The following AKAP6 variants were observed in gnomAD, a reference collection of about 807,000 sequenced individuals.
The protein encoded by AKAP6 is A-kinase anchor protein 6.
In AKAP6, 58 loss-of-function variants were observed where a neutral mutation model predicts 188.5. That is an observed-to-expected ratio of 0.31 (90% CI 0.25 to 0.38). The LOEUF is 0.38. AKAP6 is among the 10% of genes least tolerant of loss of function. The pLI is 1.00. For synonymous variants in AKAP6, 989 were observed against 998.6 expected (o/e 0.99, Z 0.18); for missense variants, 2,710 against 2,740.0 (o/e 0.99, Z 0.24).
At chr14:32,399,535 C>A (rs1293770261) in intron 1 of AKAP6, among the ~76,000 whole-genome samples, 1 of 152,034 alleles carries the variant, frequency 6.6e-6, no homozygotes, top group Non-Finnish European at 1.5e-5. Flanking sequence ...CATTGGATAC[C>A]ACCTCAAGCA....
At chr14:32,475,258 A>C (rs1422964408) in intron 2 of AKAP6, among the ~76,000 whole-genome samples, 33 of 152,192 alleles carry the variant, frequency 2.2e-4, no homozygotes, top group Admixed American at 2.2e-3. Context: ...ACAGAGGTTA[A>C]GCTTCTCTTC....
intron 2 of AKAP6, among the ~76,000 whole-genome samples, chr14:32,464,348 A>G (rs1213679163): frequency 6.6e-6 from 1 of 152,186 alleles, no homozygotes; most frequent in Non-Finnish European, 1.5e-5. Flanking sequence ...ATCCTCAATA[A>G]AAATACTGGC....
intron 11 of AKAP6, among the ~76,000 whole-genome samples, chr14:32,769,818 G>A (rs1286157487): frequency 6.6e-6 from 1 of 151,448 alleles, no homozygotes; most frequent in African/African-American, 2.4e-5. Context: ...ACAGTTCTTG[G>A]TGTAAATAAA....
chr14:32,661,806 T>G lies in AKAP6; in HGVS notation c.2731-16505T>G, dbSNP rs554564621. ...TTTGGACAAAGTAATTTATTTGACC[T>G]CTGGCTTCTGCATCTGCTAAATGGG... On this transcript the variant is annotated intron_variant, in intron 7 of 13. Coordinates refer to ENST00000280979, the MANE Select transcript of AKAP6 (RefSeq NM_004274.5). 3.3e-4 allele frequency among the ~76,000 whole-genome samples: 51 copies of G among 152,282 alleles called. No individual in the cohort carries two copies. In the East Asian group the frequency reaches 6.2e-3, roughly 18 times the overall value.
At chr14:32,566,681 C>T (rs1441455166) in intron 4 of AKAP6, among the ~76,000 whole-genome samples, 1 of 152,178 alleles carries the variant, frequency 6.6e-6, no homozygotes, top group Non-Finnish European at 1.5e-5. Flanking sequence ...TTAGTCCTTA[C>T]TTCAGCTGGC....
At chr14:32,526,479 C>T (rs1316061108) in intron 2 of AKAP6, among the ~76,000 whole-genome samples, 2 of 152,130 alleles carry the variant, frequency 1.3e-5, no homozygotes, top group African/African-American at 4.8e-5. Flanking sequence ...GTGATCCGCC[C>T]ACCTTAGCCC....
intron 2 of AKAP6, among the ~76,000 whole-genome samples, chr14:32,460,778 G>A (rs529261472): frequency 3.2e-4 from 48 of 152,326 alleles, no homozygotes; most frequent in Non-Finnish European, 3.4e-4. Flanking sequence ...CTTGCTCAGC[G>A]GGCCCCACTC....
In AKAP6 at chr14:32,689,677, T is replaced by G. The variant is rs193076551; in HGVS notation, c.2880-6313T>G. Among the ~76,000 whole-genome samples the G allele has an allele frequency of 6.5e-3, 995 of 152,232 alleles. 8 individuals are homozygous for G. Among genetic ancestry groups the G allele is most frequent in the Non-Finnish European group, 0.011 (727 of 67,982 alleles). On this transcript the variant is annotated intron_variant, in intron 8 of 13. Coordinates refer to ENST00000280979, the MANE Select transcript of AKAP6 (RefSeq NM_004274.5). ...AAAGCTACATTTTATTCTTTGATGA[T>G]ATTATGGTTGGAGATATAACAGGCA...
intron 5 of AKAP6, among the ~76,000 whole-genome samples, chr14:32,597,817 T>C (rs760355007): frequency 2.6e-5 from 4 of 152,212 alleles, no homozygotes; most frequent in Non-Finnish European, 4.4e-5. Context: ...ATAATTCTTA[T>C]CTTTATACTT....
chr14:32,651,473 C>G (rs1888225068), intron 7 of AKAP6, among the ~76,000 whole-genome samples: 1 of 152,066 alleles, frequency 6.6e-6, no homozygotes, highest in Admixed American at 6.6e-5. Context: ...TTATAAAGAA[C>G]AGAAGTTTAT....
intron 9 of AKAP6, among the ~76,000 whole-genome samples, chr14:32,704,497 T>C (rs901077009): frequency 6.6e-6 from 1 of 152,208 alleles, no homozygotes; most frequent in African/African-American, 2.4e-5. Context: ...ACTATGTATA[T>C]GTTTCAGGTT....
chr14:32,785,661 T>C (rs727814), intron 12 of AKAP6, among the ~76,000 whole-genome samples: 10,531 of 152,162 alleles, frequency 0.069, 756 homozygotes, highest in African/African-American at 0.18. Context: ...TCTTTGAGTG[T>C]TGGTTGGAAG....
intron 9 of AKAP6, among the ~76,000 whole-genome samples, chr14:32,730,098 C>T (rs1323735722): frequency 6.6e-6 from 1 of 152,194 alleles, no homozygotes; most frequent in Non-Finnish European, 1.5e-5. Flanking sequence ...ATTACACATA[C>T]AGCTTGAGCC....
chr14:32,538,442 A>G (rs999340118), intron 3 of AKAP6, among the ~76,000 whole-genome samples: 13 of 152,184 alleles, frequency 8.5e-5, no homozygotes, highest in Non-Finnish European at 1.9e-4. Context: ...TCAGAGCCAT[A>G]TTAAAGAGCA....
intron 12 of AKAP6, among the ~76,000 whole-genome samples, chr14:32,815,285 T>G (rs2034349169): frequency 6.6e-6 from 1 of 152,152 alleles, no homozygotes; most frequent in Non-Finnish European, 1.5e-5. Flanking sequence ...CTAGAACAGT[T>G]TTTGATCATT....
At chr14:32,566,483 A>G (rs1884192140) in intron 4 of AKAP6, among the ~76,000 whole-genome samples, 1 of 152,206 alleles carries the variant, frequency 6.6e-6, no homozygotes, top group African/African-American at 2.4e-5. Flanking sequence ...GCATTATCAT[A>G]CATCTCATGC....
At chr14:32,395,343 C>T (rs1201061974) in intron 1 of AKAP6, among the ~76,000 whole-genome samples, 1 of 152,088 alleles carries the variant, frequency 6.6e-6, no homozygotes, top group Non-Finnish European at 1.5e-5. Context: ...TTACTTTCAA[C>T]ACATCTCATA....
At chr14:32,601,740 G>T (rs1885934648) in intron 7 of AKAP6, among the ~76,000 whole-genome samples, 1 of 152,220 alleles carries the variant, frequency 6.6e-6, no homozygotes. Context: ...CAGCATCCAT[G>T]TAGATTGGCA....
intron 7 of AKAP6, among the ~76,000 whole-genome samples, chr14:32,649,313 G>C (rs1888112493): frequency 1.3e-5 from 2 of 152,130 alleles, no homozygotes; most frequent in Non-Finnish European, 2.9e-5. Flanking sequence ...CTGGAATAAA[G>C]CAGAAGAACC....
Sources: allele counts gnomAD v4.1 joint callset (sites outside exome capture counted in the v4.1 genomes callset), GRCh38; gene constraint gnomAD v4.1.1; transcripts MANE v1.5; gene names NCBI Gene and HGNC (gene_info 2026-07-23, HGNC 2026-07-21).